Variants in QRICH1 observed in about 807,000 individuals in gnomAD.
QRICH1 encodes the protein transcriptional regulator QRICH1.
QRICH1 carries 16 observed loss-of-function variants against 87.1 expected under a neutral mutation model. The observed-to-expected ratio is 0.18, with a 90% CI of 0.12 to 0.28. The LOEUF is 0.28. Ranked by LOEUF, QRICH1 falls within the 10% of genes least tolerant of loss-of-function variation. QRICH1 has a pLI of 1.00. For missense variants in QRICH1, 647 were observed against 951.7 expected, an observed-to-expected ratio of 0.68 and a Z score of 4.21; for synonymous variants, 367 against 368.4, an observed-to-expected ratio of 1.00 and a Z score of 0.05.
Position 49,076,698 on chromosome 3 carries a change from T to C in QRICH1, c.309+11A>G, listed in dbSNP as rs763075858. The C allele has an allele frequency of 6.5e-7, 1 of 1,528,072 alleles. No homozygotes were observed. The highest frequency in any genetic ancestry group is 2.0e-5 in the Admixed American group (1 of 49,860). The allele number at this position is 1,528,072 out of a possible 1,614,324, so 94.7% of individuals were successfully genotyped here. On this transcript the variant is annotated intron_variant, in intron 2 of 9. Coordinates refer to ENST00000395443, the MANE Select transcript of QRICH1 (RefSeq NM_198880.3). Reference sequence around the variant, plus strand: ...CATTAAACAGGCTGCACCTCAGCATTTCCCATATACCTGAACCTGCTGCGG... The same window carrying C: ...CATTAAACAGGCTGCACCTCAGCATCTCCCATATACCTGAACCTGCTGCGG...
At chr3:49,053,797 TA>T (rs1344451030) in intron 3 of QRICH1, among the ~76,000 whole-genome samples, 2 of 152,208 alleles carry the variant, frequency 1.3e-5, no homozygotes, top group African/African-American at 2.4e-5. Context: ...ATAGCTTTCA[TA>T]AAAGGTATGG....
At chr3:49,071,124 G>C (rs907659960) in intron 2 of QRICH1, among the ~76,000 whole-genome samples, 5 of 151,546 alleles carry the variant, frequency 3.3e-5, no homozygotes, top group Non-Finnish European at 5.9e-5. Context: ...GAGTGCAGTG[G>C]TGTGACCCTG....
intron 1 of QRICH1, among the ~76,000 whole-genome samples, chr3:49,091,094 G>A (rs1020118457): frequency 1.3e-5 from 2 of 152,120 alleles, no homozygotes; most frequent in African/African-American, 2.4e-5. Context: ...ATGGTGGCGG[G>A]AGCCTGCAGT....
At chr3:49,084,969 C>T (rs956643081) in intron 1 of QRICH1, among the ~76,000 whole-genome samples, 5 of 151,156 alleles carry the variant, frequency 3.3e-5, no homozygotes, top group African/African-American at 4.9e-5. Context: ...GGTGAAACCC[C>T]GTCTCTACTA....
At chr3:49,075,650 C>CAAACA (rs1553746792) in intron 2 of QRICH1, among the ~76,000 whole-genome samples, 3 of 142,286 alleles carry the variant, frequency 2.1e-5, no homozygotes, top group African/African-American at 7.4e-5. Flanking sequence ...AACAAACAAA[C>CAAACA]AAAAAAAAGG....
chr3:49,093,632 C>G (rs1421668182), intron 1 of QRICH1: 1 of 162,040 alleles, frequency 6.2e-6, no homozygotes, highest in East Asian at 1.8e-4. Context: ...GCCACGCGCA[C>G]CGAGAGCCGC....
In QRICH1 at chr3:49,043,672, C is replaced by T. The variant is rs2093323584; in HGVS notation, c.1786+718G>A. ...CAAAAGCCTGTCTCTACTAAAAATACAAAAATTAGCAGGGCATGATGGCAC... is the reference window on the plus strand; with the variant it reads ...CAAAAGCCTGTCTCTACTAAAAATATAAAAATTAGCAGGGCATGATGGCAC... On this transcript the variant is annotated intron_variant, in intron 6 of 9. Transcript: ENST00000395443. 2.0e-5 allele frequency among the ~76,000 whole-genome samples: 3 copies of T among 152,058 alleles called. No individual in the cohort carries two copies. In the South Asian group the frequency reaches 6.2e-4, roughly 32 times the overall value.
At chr3:49,073,939 C>T (rs2041899339) in intron 2 of QRICH1, among the ~76,000 whole-genome samples, 1 of 151,930 alleles carries the variant, frequency 6.6e-6, no homozygotes, top group Non-Finnish European at 1.5e-5. Context: ...ACATACCATC[C>T]CTGGGTAATT....
At chr3:49,082,894 CA>C (rs76269302) in intron 1 of QRICH1, among the ~76,000 whole-genome samples, 1,116 of 77,248 alleles carry the variant, frequency 0.014, 8 homozygotes, top group African/African-American at 0.044. Flanking sequence ...GACTGCGTCT[CA>C]AAAAAAAAAA....
chr3:49,085,335 C>G (rs1470012912), intron 1 of QRICH1, among the ~76,000 whole-genome samples: 1 of 149,782 alleles, frequency 6.7e-6, no homozygotes. Flanking sequence ...GTCAGGAGAT[C>G]GAGACCATCC....
chr3:49,046,948 T>C, intron 4 of QRICH1, 121 bp downstream of exon 4: 1 of 1,137,394 alleles, frequency 8.8e-7, no homozygotes. Flanking sequence ...CAACATACTA[T>C]TACAGATGTT....
At chr3:49,045,218 T>C (rs555547418) in intron 5 of QRICH1, among the ~76,000 whole-genome samples, 1 of 150,276 alleles carries the variant, frequency 6.7e-6, no homozygotes, top group Non-Finnish European at 1.5e-5. Flanking sequence ...CAGGGAACAA[T>C]GAGAAGAAAA....
At chr3:49,077,138 G>A (rs1054966612) in intron 1 of QRICH1, 100 bp from the exon 2 acceptor site, 16 of 693,954 alleles carry the variant, frequency 2.3e-5, no homozygotes, top group Non-Finnish European at 3.0e-5. Flanking sequence ...CAGGGCAGCT[G>A]TATACATATA....
intron 3 of QRICH1, 58 bp downstream of exon 3, chr3:49,056,804 T>G: frequency 6.2e-7 from 1 of 1,613,012 alleles, no homozygotes; most frequent in Non-Finnish European, 8.5e-7. Context: ...GCAAGCTCTG[T>G]GCTGCACTGG....
intron 2 of QRICH1, among the ~76,000 whole-genome samples, chr3:49,076,370 A>T (rs2106980152): frequency 1.3e-5 from 2 of 152,258 alleles, no homozygotes; most frequent in East Asian, 3.9e-4. Flanking sequence ...TGCTGCCAGA[A>T]AGGTGGCGCC....
intron 3 of QRICH1, among the ~76,000 whole-genome samples, chr3:49,055,669 GT>G (rs956078506): frequency 6.6e-6 from 1 of 151,988 alleles, no homozygotes; most frequent in African/African-American, 2.4e-5. Flanking sequence ...AGCACTAATA[GT>G]TTTTTTGTTT....
chr3:49,034,992 G>A (rs756856844), intron 6 of QRICH1, among the ~76,000 whole-genome samples: 42 of 152,182 alleles, frequency 2.8e-4, no homozygotes, highest in Admixed American at 1.7e-3. Flanking sequence ...AAACAAAGCT[G>A]GCTCTCTAAT....
At chr3:49,048,771 G>C (rs2093353202) in intron 3 of QRICH1, among the ~76,000 whole-genome samples, 1 of 97,328 alleles carries the variant, frequency 1.0e-5, no homozygotes, top group African/African-American at 4.3e-5. Context: ...CTGGGTAACA[G>C]AGTGAGACTC....
chr3:49,060,014 A>G (rs2093425913), intron 2 of QRICH1, among the ~76,000 whole-genome samples: 2 of 151,188 alleles, frequency 1.3e-5, no homozygotes, highest in East Asian at 3.9e-4. Flanking sequence ...CCTCCCGAGT[A>G]GCTGGGACTA....
Sources: allele counts gnomAD v4.1 joint callset (sites outside exome capture counted in the v4.1 genomes callset), GRCh38; gene constraint gnomAD v4.1.1; transcripts MANE v1.5; gene names NCBI Gene and HGNC (gene_info 2026-07-23, HGNC 2026-07-21).